Variants in DYNC1I1 observed in about 807,000 individuals in gnomAD.
DYNC1I1 encodes dynein cytoplasmic 1 intermediate chain 1, also known as cytoplasmic dynein 1 intermediate chain 1.
Under a neutral mutation model 86.6 loss-of-function variants are expected in DYNC1I1, and 43 were observed. The observed-to-expected ratio is 0.50, with a 90% CI of 0.39 to 0.64. The LOEUF (loss-of-function observed/expected upper bound fraction) is 0.64. Among genes scored for constraint, DYNC1I1 ranks in the 30% least tolerant of loss-of-function variants. DYNC1I1 has a pLI of 0.00. For missense variants in DYNC1I1, 604 were observed against 788.8 expected, an observed-to-expected ratio of 0.77 and a Z score of 2.81; for synonymous variants, 262 against 283.7, an observed-to-expected ratio of 0.92 and a Z score of 0.77.
At chr7:95,922,500 C>A (rs531059255) in intron 6 of DYNC1I1, among the ~76,000 whole-genome samples, 22 of 152,244 alleles carry the variant, frequency 1.4e-4, no homozygotes, top group African/African-American at 5.3e-4. Flanking sequence ...AAAGTAAAAA[C>A]CACACATGAA....
intron 16 of DYNC1I1, among the ~76,000 whole-genome samples, chr7:96,092,951 C>T (rs982576746): frequency 2.0e-5 from 3 of 152,046 alleles, no homozygotes; most frequent in Admixed American, 6.5e-5. Flanking sequence ...CTTGATTGCC[C>T]CACACTAACA....
At chr7:95,819,310 A>G (rs73708600) in intron 4 of DYNC1I1, among the ~76,000 whole-genome samples, 16,707 of 152,132 alleles carry the variant, frequency 0.11, 1,090 homozygotes, top group East Asian at 0.22. Context: ...TTGGGCTACA[A>G]TAATTCGTTG....
At chr7:95,805,207 C>A (rs1433569950) in intron 2 of DYNC1I1, among the ~76,000 whole-genome samples, 1 of 152,022 alleles carries the variant, frequency 6.6e-6, no homozygotes, top group Non-Finnish European at 1.5e-5. Context: ...TGTGGGGTTG[C>A]ACTTAGCAGT....
At chr7:95,831,207 G>A (rs1458336952) in intron 5 of DYNC1I1, among the ~76,000 whole-genome samples, 4 of 152,098 alleles carry the variant, frequency 2.6e-5, no homozygotes, top group African/African-American at 9.7e-5. Flanking sequence ...CTTTAAGAAA[G>A]CAAACCATTT....
At chr7:95,873,098 T>G (rs1790216470) in intron 6 of DYNC1I1, among the ~76,000 whole-genome samples, 1 of 152,184 alleles carries the variant, frequency 6.6e-6, no homozygotes, top group African/African-American at 2.4e-5. Context: ...AGGAGGAAAT[T>G]TCTACAACCT....
chr7:96,107,577 G>C (rs1009955040), intron 16 of DYNC1I1, among the ~76,000 whole-genome samples: 1 of 150,808 alleles, frequency 6.6e-6, no homozygotes, highest in African/African-American at 2.4e-5. Context: ...TATTGCCCAG[G>C]CTAGAGTGCA....
chr7:95,845,418 A>G (rs577766634), intron 5 of DYNC1I1, among the ~76,000 whole-genome samples: 2 of 152,210 alleles, frequency 1.3e-5, no homozygotes, highest in African/African-American at 4.8e-5. Flanking sequence ...AACAGAACAG[A>G]TGTAACCCCA....
At chr7:95,793,943 G>C (rs1490241222) in intron 1 of DYNC1I1, among the ~76,000 whole-genome samples, 1 of 152,222 alleles carries the variant, frequency 6.6e-6, no homozygotes, top group Non-Finnish European at 1.5e-5. Context: ...GCTTGAGATG[G>C]AGCAGCTCCT....
chr7:95,863,270 G>T (rs890680547), intron 5 of DYNC1I1, among the ~76,000 whole-genome samples: 1 of 152,096 alleles, frequency 6.6e-6, no homozygotes, highest in African/African-American at 2.4e-5. Context: ...AGACAAAAAG[G>T]CTACATCTTT....
At position 95,992,192 on chromosome 7, in the gene DYNC1I1, G is replaced by C. The variant is rs550985026; in HGVS notation, c.844-3756G>C. 2.0e-5 allele frequency among the ~76,000 whole-genome samples: 3 copies of C among 152,128 alleles called. No homozygotes were observed. In the South Asian group the frequency reaches 6.2e-4, roughly 32 times the overall value. ...TCTACAGAACCTTGCTTCTGCCTCT[G>C]TCTTAGCACTTGTCATGGTCTGCTT... On this transcript the variant is annotated intron_variant, in intron 9 of 16. Transcript: ENST00000447467.
intron 7 of DYNC1I1, among the ~76,000 whole-genome samples, chr7:95,978,849 G>A (rs1584220061): frequency 6.6e-6 from 1 of 151,838 alleles, no homozygotes; most frequent in East Asian, 1.9e-4. Flanking sequence ...AGGCTGCAGT[G>A]CAGCGACGTG....
intron 5 of DYNC1I1, among the ~76,000 whole-genome samples, chr7:95,838,324 C>T (rs943060255): frequency 6.6e-6 from 1 of 152,046 alleles, no homozygotes; most frequent in Admixed American, 6.5e-5. Flanking sequence ...GTATTCTTGT[C>T]TGTATTATGG....
At chr7:96,064,210 A>ATCTC (rs10557179) in intron 14 of DYNC1I1, among the ~76,000 whole-genome samples, 2,757 of 140,936 alleles carry the variant, frequency 0.02, 22 homozygotes, top group Middle Eastern at 0.033. Flanking sequence ...AAATATTCAT[A>ATCTC]TCTCTCTCTC....
chr7:96,001,131 G>T (rs1794001306), intron 10 of DYNC1I1, among the ~76,000 whole-genome samples: 2 of 152,134 alleles, frequency 1.3e-5, no homozygotes, highest in African/African-American at 4.8e-5. Flanking sequence ...TTCCCTAAAT[G>T]CCCTTCCCTT....
intron 10 of DYNC1I1, among the ~76,000 whole-genome samples, chr7:95,997,255 C>T (rs550784558): frequency 1.3e-5 from 2 of 151,822 alleles, no homozygotes; most frequent in East Asian, 3.9e-4. Flanking sequence ...TTGATATGCT[C>T]CTTCTGTAAA....
intron 8 of DYNC1I1, among the ~76,000 whole-genome samples, chr7:95,985,684 T>C (rs963206154): frequency 6.6e-6 from 1 of 152,150 alleles, no homozygotes; most frequent in Non-Finnish European, 1.5e-5. Context: ...GAATGATATG[T>C]GAAGGTAGGG....
At chr7:95,923,467 G>A (rs766866995) in intron 6 of DYNC1I1, among the ~76,000 whole-genome samples, 71 of 152,132 alleles carry the variant, frequency 4.7e-4, no homozygotes, top group African/African-American at 1.2e-3. Context: ...CTTGTATTTC[G>A]CTTATTTTGC....
chr7:96,026,383 T>A (rs1006155202), intron 10 of DYNC1I1, among the ~76,000 whole-genome samples: 14 of 152,136 alleles, frequency 9.2e-5, no homozygotes, highest in African/African-American at 2.7e-4. Flanking sequence ...TTATTTTTTT[T>A]AATAGATGTT....
intron 14 of DYNC1I1, among the ~76,000 whole-genome samples, chr7:96,050,103 C>A (rs1161083198): frequency 6.6e-6 from 1 of 150,668 alleles, no homozygotes; most frequent in Non-Finnish European, 1.5e-5. Flanking sequence ...AATTCGACAA[C>A]AAGAAAATTT....
Sources: allele counts gnomAD v4.1 joint callset (sites outside exome capture counted in the v4.1 genomes callset), GRCh38; gene constraint gnomAD v4.1.1; transcripts MANE v1.5; gene names NCBI Gene and HGNC (gene_info 2026-07-23, HGNC 2026-07-21).